The following KIAA0586 variants were observed in gnomAD, a reference collection of about 807,000 sequenced individuals.
The protein encoded by KIAA0586 is protein TALPID3.
KIAA0586 carries 144 observed loss-of-function variants against 169.8 expected under a neutral mutation model. That is an observed-to-expected ratio of 0.85 (90% CI 0.74 to 0.97). KIAA0586 has a LOEUF of 0.97. KIAA0586 is among the 50% of genes least tolerant of loss of function. KIAA0586 has a pLI of 0.00. For missense variants in KIAA0586, 1,854 were observed against 1,823.0 expected (o/e 1.02, Z -0.31); for synonymous variants, 625 against 612.4 (o/e 1.02, Z -0.30).
intron 19 of KIAA0586, among the ~76,000 whole-genome samples, chr14:58,475,011 T>TTA (rs1433208428): frequency 6.6e-6 from 1 of 152,260 alleles, no homozygotes; most frequent in Non-Finnish European, 1.5e-5. Context: ...ATCTGTCTAC[T>TTA]CTGGCACAAG....
At chr14:58,485,633 A>G (rs1027044062) in intron 21 of KIAA0586, among the ~76,000 whole-genome samples, 10 of 152,340 alleles carry the variant, frequency 6.6e-5, no homozygotes, top group Middle Eastern at 3.4e-3. Flanking sequence ...AGAAAGGACA[A>G]GAGTAGGAGA....
chr14:58,497,640 G>C (rs1454608233), intron 26 of KIAA0586, among the ~76,000 whole-genome samples: 2 of 151,712 alleles, frequency 1.3e-5, no homozygotes, highest in Non-Finnish European at 2.9e-5. Flanking sequence ...TGGGTGGTGT[G>C]AGCCACCACG....
At chr14:58,537,991 A>G (rs1472548038) in intron 29 of KIAA0586, among the ~76,000 whole-genome samples, 1 of 152,120 alleles carries the variant, frequency 6.6e-6, no homozygotes, top group Non-Finnish European at 1.5e-5. Context: ...TTAAAATTGT[A>G]TCACAGTTGA....
chr14:58,556,207 C>T (rs543288995), downstream of KIAA0586, among the ~76,000 whole-genome samples: 2 of 152,330 alleles, frequency 1.3e-5, no homozygotes, highest in Admixed American at 6.5e-5. Context: ...AAGTGCAAGA[C>T]CAAGTCAGAG....
downstream of KIAA0586, among the ~76,000 whole-genome samples, chr14:58,553,229 A>G (rs1384942701): frequency 2.0e-5 from 3 of 152,240 alleles, no homozygotes; most frequent in Non-Finnish European, 1.5e-5. Context: ...GCTCTAAAGT[A>G]TATAGAAGAT....
At chr14:58,555,182 C>T (rs1240245923), downstream of KIAA0586, among the ~76,000 whole-genome samples, 1 of 143,422 alleles carries the variant, frequency 7.0e-6, no homozygotes, top group Non-Finnish European at 1.5e-5. Flanking sequence ...CTCACTTCAA[C>T]CTCCGCCTCC....
At chr14:58,478,094 A>G (rs565108616) in intron 20 of KIAA0586, among the ~76,000 whole-genome samples, 4 of 152,280 alleles carry the variant, frequency 2.6e-5, no homozygotes, top group Admixed American at 2.6e-4. Flanking sequence ...ATCATAACTC[A>G]CTGTAACCTC....
Position 58,427,861 on chromosome 14 carries a change from G to A in KIAA0586, c.-404G>A. 3.6e-6 allele frequency: 5 copies of A among 1,379,704 alleles called. No homozygotes were observed. Among genetic ancestry groups the A allele is most frequent in the Non-Finnish European group, 4.7e-6 (5 of 1,052,942 alleles). 85.5% of individuals were successfully genotyped at this position (1,379,704 alleles called of 1,614,324 possible). A position where few individuals can be genotyped will look rare whatever the true frequency, so the allele number is the denominator to read the frequency against. The stretch of plus-strand genomic sequence containing the variant: ...AGAAAGCTATTACGCTTCTTATGTG[G>A]GTCATTATTTTAAAAATAGCATTTC... On this transcript the variant is annotated 5_prime_UTR_variant, in exon 1 of 31. It introduces an in-frame stop codon into an upstream open reading frame of the 5' UTR. Transcript: ENST00000652326.
rs931464175 is a variant in KIAA0586, at chr14:58,549,253, T to C, written c.*1321T>C. 2.0e-5 allele frequency: 3 copies of C among 152,066 alleles called. No individual in the cohort carries two copies. The highest frequency in any genetic ancestry group is 1.5e-5 in the Non-Finnish European group (1 of 68,014). 9.4% of individuals were successfully genotyped at this position (152,066 alleles called of 1,614,324 possible). On this transcript the variant is annotated 3_prime_UTR_variant, in exon 31 of 31. Transcript: ENST00000652326. ...TCAGCACTGGCAGCACATTAGAACC[T>C]CTGGGAGCTTTAAAAAATACTAATG...
At position 58,537,670 on chromosome 14, in the gene KIAA0586, C is replaced by T. The variant is rs148755145; in HGVS notation, c.4430-2401C>T. Among the ~76,000 whole-genome samples, 11 of 151,338 alleles carry T rather than the reference C, an allele frequency of 7.3e-5. No individual in the cohort carries two copies. The East Asian group carries it at 1.7e-3, about 24-fold the overall frequency. On this transcript the variant is annotated intron_variant, in intron 29 of 30. Coordinates refer to ENST00000652326, the MANE Select transcript of KIAA0586 (RefSeq NM_001329943.3). ...AAGCACTTTTCTTTTTTTTTTGAGA[C>T]GGAGACTCGCTCTGTCACCCACGCT... is the stretch of plus-strand genomic sequence containing the variant.
At position 58,482,421 on chromosome 14, in the gene KIAA0586, G is replaced by A. The variant is rs917560881; in HGVS notation, c.2945-92G>A. 3.5e-5 allele frequency: 35 copies of A among 1,005,390 alleles called. 1 individual carries two copies. Among genetic ancestry groups the A allele is most frequent in the African/African-American group, 3.3e-4 (20 of 60,186 alleles). The allele number at this position is 1,005,390 out of a possible 1,614,324, so 62.3% of individuals were successfully genotyped here. On this transcript the variant is annotated intron_variant, in intron 20 of 30. Transcript: ENST00000652326. ...AGCCTGGGTGACAGAGTGACACTAC[G>A]TCTCGAGAAAAATAATAATAATAAT...
chr14:58,499,977 A>G (rs1430200799), intron 27 of KIAA0586, among the ~76,000 whole-genome samples: 1 of 152,256 alleles, frequency 6.6e-6, no homozygotes, highest in African/African-American at 2.4e-5. Flanking sequence ...TTTATGCTAT[A>G]TGAATTTCAG....
chr14:58,466,451 T>G (rs2040780722), intron 15 of KIAA0586, among the ~76,000 whole-genome samples: 1 of 152,138 alleles, frequency 6.6e-6, no homozygotes, highest in African/African-American at 2.4e-5. Context: ...TAAACAATAT[T>G]TTGGCTGGGC....
intron 29 of KIAA0586, among the ~76,000 whole-genome samples, chr14:58,524,409 G>GT (rs2045437261): frequency 6.6e-6 from 1 of 152,190 alleles, no homozygotes; most frequent in Admixed American, 6.5e-5. Context: ...TTCTCCGGGA[G>GT]TATTTATTAA....
intron 14 of KIAA0586, among the ~76,000 whole-genome samples, chr14:58,461,580 G>A (rs1295301959): frequency 1.3e-5 from 2 of 152,000 alleles, no homozygotes; most frequent in African/African-American, 2.4e-5. Context: ...GATGACAGGT[G>A]CACACTACCA....
intron 14 of KIAA0586, chr14:58,464,276 A>T (rs956789258): frequency 1.7e-5 from 4 of 236,026 alleles, no homozygotes; most frequent in Non-Finnish European, 3.3e-5. Context: ...GTTTTATATT[A>T]TAAAGTGTGC....
chr14:58,468,670 G>A (rs2040964465), intron 16 of KIAA0586, among the ~76,000 whole-genome samples: 1 of 152,180 alleles, frequency 6.6e-6, no homozygotes, highest in South Asian at 2.1e-4. Context: ...AGAAGCTGAG[G>A]TCTTCACTAG....
chr14:58,453,343 A>G lies in KIAA0586; in HGVS notation c.1130-7A>G, dbSNP rs1656520928. The G allele has an allele frequency of 2.4e-6, 3 of 1,239,906 alleles. No homozygotes were observed. Among genetic ancestry groups the G allele is most frequent in the Non-Finnish European group, 3.3e-6 (3 of 897,770 alleles). 76.8% of individuals were successfully genotyped at this position (1,239,906 alleles called of 1,614,324 possible). The stretch of plus-strand genomic sequence containing the variant: ...TGGAAAATGATACTATATCTCTTCT[A>G]TTTCAGGAAATGTAAGACTATTGGA... On this transcript the variant is annotated splice_region_variant and splice_polypyrimidine_tract_variant and intron_variant, in intron 8 of 30. Coordinates refer to ENST00000652326, the MANE Select transcript of KIAA0586 (RefSeq NM_001329943.3).
chr14:58,462,746 T>C (rs939258887), intron 14 of KIAA0586, among the ~76,000 whole-genome samples: 1 of 152,174 alleles, frequency 6.6e-6, no homozygotes, highest in African/African-American at 2.4e-5. Context: ...GAGTAATCTA[T>C]AAAGACAAGA....
Sources: allele counts gnomAD v4.1 joint callset (sites outside exome capture counted in the v4.1 genomes callset), GRCh38; gene constraint gnomAD v4.1.1; transcripts MANE v1.5; gene names NCBI Gene and HGNC (gene_info 2026-07-23, HGNC 2026-07-21).